The following SHF variants were observed in gnomAD, a reference collection of about 807,000 sequenced individuals.
The protein encoded by SHF is Src homology 2 domain containing F, also known as SH2 domain-containing adapter protein F.
SHF carries 30 observed loss-of-function variants against 42.4 expected under a neutral mutation model. The observed-to-expected ratio is 0.71, with a 90% confidence interval of 0.53 to 0.96. The LOEUF (loss-of-function observed/expected upper bound fraction) is 0.96, where lower values mean the gene tolerates loss of function less well. SHF is among the 40% of genes least tolerant of loss of function. The probability of loss-of-function intolerance (pLI) is 0.00; values close to 1 mark genes in which losing one functional copy is unlikely to be tolerated. For missense variants in SHF, 598 were observed against 634.0 expected (o/e 0.94, Z 0.61); for synonymous variants, 264 against 269.9 (o/e 0.98, Z 0.21).
chr15:45,192,942 C>T (rs138857569), upstream of SHF, among the ~76,000 whole-genome samples: 67 of 152,180 alleles, frequency 4.4e-4, 2 homozygotes, highest in African/African-American at 1.5e-3. Context: ...CACCAGAAGG[C>T]CCATAATGCC....
At position 45,187,578 on chromosome 15, in the gene SHF, G is replaced by A; in HGVS notation, c.374C>T (p.Pro125Leu). 1.1e-5 allele frequency: 13 copies of A among 1,230,484 alleles called. No homozygotes were observed. Among genetic ancestry groups the A allele is most frequent in the Non-Finnish European group, 1.3e-5 (13 of 987,014 alleles). 76.2% of individuals were successfully genotyped at this position (1,230,484 alleles called of 1,614,324 possible). Residue 125 changes from proline (P) to leucine (L), a missense_variant, in exon 1 of 7, where the codon CCC becomes CTC. By Grantham distance (98) the Pro-to-Leu change is moderately conservative. Around this residue, in one of 2 missense-constraint regions of SHF, gnomAD observed 439 missense variants for 524.6 expected, o/e 0.84. Coordinates refer to ENST00000690270, the MANE Select transcript of SHF (RefSeq NM_001394037.1). ...GSAALATPVA[P>L]GPTPPPRHGS... ...GTGGCGCGGGGGCGGCGTGGGTCCG[G>A]GGGCGACAGGGGTGGCGAGGGCGGC...
exon 1 of SHF, chr15:45,200,885 G>A (rs1477175298): frequency 4.4e-6 from 2 of 456,282 alleles, no homozygotes; most frequent in East Asian, 1.4e-4. Flanking sequence ...GGCGTCCTCA[G>A]GGGCTTCACA....
rs2141372603 is a variant in SHF, at chr15:45,178,204, C to T, written c.601G>A (p.Gly201Ser). Residue 201 changes from glycine (G) to serine (S), a missense_variant, in exon 2 of 7, where the codon GGC becomes AGC. By Grantham distance (56) the Gly-to-Ser change is moderately conservative (BLOSUM62 0). This residue lies in a region of SHF where 439 missense variants were observed against 524.6 expected (regional missense o/e 0.84). Coordinates refer to ENST00000690270, the MANE Select transcript of SHF (RefSeq NM_001394037.1). Reference protein sequence around the residue: ...GAPEKVPENDGYMEPYEAQKM... With the variant: ...GAPEKVPENDSYMEPYEAQKM... The stretch of plus-strand genomic sequence containing the variant: ...TGAGCCTCATAGGGCTCCATGTAGC[C>T]ATCATTTTCAGGGACCTTCTCTGGG... 1 of 1,613,688 alleles carries T rather than the reference C, an allele frequency of 6.2e-7. No homozygotes were observed. Among genetic ancestry groups the T allele is most frequent in the African/African-American group, 1.3e-5 (1 of 75,032 alleles).
intron 6 of SHF, chr15:45,170,078 A>C (rs1897393748): frequency 6.2e-6 from 1 of 161,366 alleles, no homozygotes. Context: ...CTCCCAGGCT[A>C]AGGCAGGCTG....
At chr15:45,182,368 G>C (rs190819414) in intron 1 of SHF, among the ~76,000 whole-genome samples, 46 of 152,316 alleles carry the variant, frequency 3.0e-4, no homozygotes, top group African/African-American at 1.1e-3. Flanking sequence ...AAAAAGGATG[G>C]TAATAGTACC....
upstream of SHF, among the ~76,000 whole-genome samples, chr15:45,191,276 G>T (rs145134958): frequency 3.6e-3 from 546 of 152,232 alleles, 2 homozygotes; most frequent in Non-Finnish European, 5.0e-3. Flanking sequence ...TTGAACTCCT[G>T]GCCTCAAGCA....
intron 2 of SHF, chr15:45,198,561 G>C (rs928855326): frequency 3.7e-6 from 2 of 536,840 alleles, no homozygotes; most frequent in African/African-American, 3.8e-5. Flanking sequence ...TTACAAAAAA[G>C]GGGAAAAAAA....
chr15:45,188,903 C>T (rs549490128), upstream of SHF, among the ~76,000 whole-genome samples: 1 of 152,304 alleles, frequency 6.6e-6, no homozygotes, highest in Admixed American at 6.5e-5. Context: ...AGAAATAAAG[C>T]CAGTTCCGGC....
chr15:45,188,309 G>T (rs918635451), upstream of SHF, among the ~76,000 whole-genome samples: 1 of 152,196 alleles, frequency 6.6e-6, no homozygotes, highest in African/African-American at 2.4e-5. Context: ...CGCAAAGAGG[G>T]GAGCCCCCAG....
At chr15:45,189,861 G>T (rs891148468), upstream of SHF, among the ~76,000 whole-genome samples, 1 of 152,158 alleles carries the variant, frequency 6.6e-6, no homozygotes, top group South Asian at 2.1e-4. Context: ...CTAGTTGGGC[G>T]AGGTGGCTCA....
chr15:45,173,592 G>A lies in SHF; in HGVS notation c.972C>T (p.Ser324=). 1.3e-6 allele frequency: 2 copies of A among 1,535,182 alleles called. No individual in the cohort carries two copies. Among genetic ancestry groups the A allele is most frequent in the Non-Finnish European group, 1.8e-6 (2 of 1,139,170 alleles). Residue 324 remains serine, a synonymous_variant, in exon 4 of 7, where the codon AGC becomes AGT. Transcript: ENST00000690270. ...AGGACCCACCGCTGCTGTCCTCCAG[G>A]CTGGGCTCAGGGAGGGGCGAGGCTG... ...SGPASPLPEP[S]LEDSSAQFEG... is the part of the protein sequence containing the mutation.
At chr15:45,188,117 C>A (rs1898571137), upstream of SHF, among the ~76,000 whole-genome samples, 1 of 152,202 alleles carries the variant, frequency 6.6e-6, no homozygotes, top group East Asian at 1.9e-4. Context: ...TCCCGTAGCT[C>A]GGAAGAGTGT....
exon 2 of SHF, chr15:45,198,926 G>A (rs943101078): frequency 4.3e-6 from 7 of 1,613,870 alleles, no homozygotes; most frequent in Non-Finnish European, 5.9e-6. Flanking sequence ...TAGGGGAGAC[G>A]GCGTGAGCAT....
In SHF at chr15:45,172,252, G is replaced by A. The variant is rs149767187; in HGVS notation, c.1055C>T (p.Pro352Leu). 28 of 1,613,460 alleles carry A rather than the reference G, an allele frequency of 1.7e-5. No individual in the cohort carries two copies. The African/African-American group carries it at 3.6e-4, about 21-fold the overall frequency. ...CTTGGGGTTCCCTGCAGAGAGTCGGGGAGGTAGCCGCCCCTTCTCCTCCCG... is the reference window on the plus strand; with the variant it reads ...CTTGGGGTTCCCTGCAGAGAGTCGGAGAGGTAGCCGCCCCTTCTCCTCCCG... ...PGREEKGRLP[P>L]RLSAGNPKSA... The change falls in exon 5 of 7, where the codon CCC becomes CTC. Residue 352 changes from proline (P) to leucine (L), a missense_variant. Pro to Leu is a moderately conservative substitution (Grantham distance 98). This residue lies in a region of SHF where 439 missense variants were observed against 524.6 expected (regional missense o/e 0.84). Transcript: ENST00000690270.
upstream of SHF, among the ~76,000 whole-genome samples, chr15:45,191,441 G>A (rs1466632393): frequency 6.6e-6 from 1 of 152,104 alleles, no homozygotes; most frequent in Non-Finnish European, 1.5e-5. Context: ...TCCCGCTTGG[G>A]CCTCCCAAAG....
At chr15:45,176,997 G>GA (rs1897846450) in intron 2 of SHF, among the ~76,000 whole-genome samples, 6 of 152,080 alleles carry the variant, frequency 3.9e-5, no homozygotes, top group African/African-American at 1.4e-4. Context: ...TTACTGCTAG[G>GA]GTGAACCTCC....
chr15:45,192,811 A>G (rs1016045552), upstream of SHF, among the ~76,000 whole-genome samples: 22 of 152,226 alleles, frequency 1.4e-4, no homozygotes, highest in African/African-American at 5.3e-4. Flanking sequence ...GTCCAGGCCA[A>G]TTGTCATGTA....
chr15:45,188,667 C>T (rs1346168380), upstream of SHF, among the ~76,000 whole-genome samples: 1 of 152,244 alleles, frequency 6.6e-6, no homozygotes, highest in Non-Finnish European at 1.5e-5. Context: ...CCCCCACCCA[C>T]GGGAGCACCT....
At chr15:45,200,310 A>C (rs1899032607) in intron 1 of SHF, 1 of 169,912 alleles carries the variant, frequency 5.9e-6, no homozygotes, top group Non-Finnish European at 1.3e-5. Context: ...CTCAAATGTC[A>C]CAAGGGAATC....
Sources: allele counts gnomAD v4.1 joint callset (sites outside exome capture counted in the v4.1 genomes callset), GRCh38; gene constraint gnomAD v4.1.1; regional missense constraint gnomAD v4.1.1; transcripts MANE v1.5; gene names NCBI Gene and HGNC (gene_info 2026-07-23, HGNC 2026-07-21).